The following GLDC variants were observed in gnomAD, a reference collection of about 807,000 sequenced individuals.
GLDC encodes the protein glycine dehydrogenase (decarboxylating), mitochondrial.
In GLDC, 104 loss-of-function variants were observed where a neutral mutation model predicts 121.3. The observed-to-expected ratio is 0.86, with a 90% CI of 0.73 to 1.01. The LOEUF (loss-of-function observed/expected upper bound fraction) is 1.01. Ranked by LOEUF, GLDC falls within the 50% of genes least tolerant of loss-of-function variation. The pLI, the probability that GLDC is intolerant of heterozygous loss-of-function variation, is 0.00. For synonymous variants in GLDC, 546 were observed against 480.6 expected (o/e 1.14, Z -1.78); for missense variants, 1,429 against 1,306.6 (o/e 1.09, Z -1.44).
intron 19 of GLDC, among the ~76,000 whole-genome samples, chr9:6,553,812 A>T (rs1563834607): frequency 6.6e-6 from 1 of 151,950 alleles, no homozygotes; most frequent in African/African-American, 2.4e-5. Flanking sequence ...TCCCAGCCCC[A>T]TTCCCTCACC....
At chr9:6,626,458 T>A (rs953017365) in intron 2 of GLDC, among the ~76,000 whole-genome samples, 1 of 152,252 alleles carries the variant, frequency 6.6e-6, no homozygotes, top group Non-Finnish European at 1.5e-5. Context: ...AGTTTATTTT[T>A]TCACTTGACA....
At chr9:6,585,095 G>C (rs1263232232) in intron 15 of GLDC, 2 of 152,134 alleles carry the variant, frequency 1.3e-5, no homozygotes, top group Non-Finnish European at 2.9e-5. Context: ...ATTCAATCTG[G>C]GATTGTGATG....
intron 5 of GLDC, among the ~76,000 whole-genome samples, chr9:6,606,309 CAAAAAAAAAAAA>C (rs56758871): frequency 1.1e-5 from 1 of 90,056 alleles, no homozygotes; most frequent in African/African-American, 3.9e-5. Context: ...GACTCCGTCT[CAAAAAAAAAAAA>C]AAAAAAAAGA....
At chr9:6,543,837 C>T (rs750073791) in intron 21 of GLDC, among the ~76,000 whole-genome samples, 4 of 151,760 alleles carry the variant, frequency 2.6e-5, no homozygotes, top group Non-Finnish European at 4.4e-5. Flanking sequence ...TTCTGCTGGA[C>T]CTAACAGTGA....
At chr9:6,638,505 G>T (rs1000202982) in intron 2 of GLDC, among the ~76,000 whole-genome samples, 2 of 152,132 alleles carry the variant, frequency 1.3e-5, no homozygotes, top group African/African-American at 4.8e-5. Flanking sequence ...GTGAGTCACT[G>T]CTCCCAGCTT....
rs138354637 is a variant in GLDC at position 6,610,138 on chromosome 9, G to C, written c.635+54C>G. ...ACAATATACTATAGAAAGAAAACAA[G>C]GCCAGGCGAGGTGGCCCACAACTGG... On this transcript the variant is annotated intron_variant, in intron 4 of 24. Transcript: ENST00000321612. 2.4e-5 allele frequency: 33 copies of C among 1,353,126 alleles called. 1 individual carries two copies. In the East Asian group the frequency reaches 4.4e-4, roughly 18 times the overall value. 83.8% of individuals were successfully genotyped at this position (1,353,126 alleles called of 1,614,324 possible). A position where few individuals can be genotyped will look rare whatever the true frequency, so the allele number is the denominator to read the frequency against.
chr9:6,546,093 C>A (rs576072833), intron 21 of GLDC, among the ~76,000 whole-genome samples: 5 of 152,142 alleles, frequency 3.3e-5, no homozygotes, highest in Admixed American at 6.5e-5. Context: ...TATTTAATTT[C>A]TTTTTACTTT....
At chr9:6,625,784 A>C (rs1276110481) in intron 2 of GLDC, among the ~76,000 whole-genome samples, 2 of 151,794 alleles carry the variant, frequency 1.3e-5, no homozygotes, top group African/African-American at 2.4e-5. Context: ...ACTGATAGGA[A>C]AGGTGGGGTT....
intron 3 of GLDC, among the ~76,000 whole-genome samples, chr9:6,615,686 C>G (rs1188422335): frequency 6.6e-6 from 1 of 150,688 alleles, no homozygotes; most frequent in Admixed American, 6.6e-5. Flanking sequence ...TCTCCACTCA[C>G]TGCAGTCTCC....
At position 6,552,402 on chromosome 9, in the gene GLDC, T is replaced by C. The variant is rs138794746; in HGVS notation, c.2457+966A>G. ...AGATCAAAAGGGAAGTGGAATTTGATTCTGCTTACAAAGAAGCAGACCTTT... is the reference window on the plus strand; with the variant it reads ...AGATCAAAAGGGAAGTGGAATTTGACTCTGCTTACAAAGAAGCAGACCTTT... On this transcript the variant is annotated intron_variant, in intron 20 of 24. Transcript: ENST00000321612. Among the ~76,000 whole-genome samples the C allele has an allele frequency of 3.6e-3, 549 of 152,356 alleles. 2 individuals carry two copies. Among genetic ancestry groups the C allele is most frequent in the African/African-American group, 0.013 (532 of 41,584 alleles).
intron 2 of GLDC, among the ~76,000 whole-genome samples, chr9:6,629,939 ATATATG>A (rs796773055): frequency 9.0e-5 from 7 of 78,150 alleles, no homozygotes; most frequent in Admixed American, 2.6e-4. Context: ...CTATATATAT[ATATATG>A]TATATATATA....
intron 20 of GLDC, among the ~76,000 whole-genome samples, chr9:6,552,139 A>G (rs1817528594): frequency 6.6e-6 from 1 of 152,164 alleles, no homozygotes; most frequent in Non-Finnish European, 1.5e-5. Flanking sequence ...CAGCAGGGAG[A>G]GAAGCAGCTA....
intron 4 of GLDC, among the ~76,000 whole-genome samples, chr9:6,607,528 G>A (rs1170666165): frequency 1.3e-5 from 2 of 152,098 alleles, no homozygotes; most frequent in Non-Finnish European, 2.9e-5. Context: ...GTTGCAGTGA[G>A]CCAAGATCGC....
chr9:6,608,402 A>T (rs947584353), intron 4 of GLDC, among the ~76,000 whole-genome samples: 1 of 149,464 alleles, frequency 6.7e-6, no homozygotes, highest in South Asian at 2.1e-4. Context: ...AGCCTGAGTG[A>T]CAGAGTGAGA....
chr9:6,582,959 A>G (rs1430511972), intron 15 of GLDC, among the ~76,000 whole-genome samples: 1 of 152,214 alleles, frequency 6.6e-6, no homozygotes, highest in Non-Finnish European at 1.5e-5. Flanking sequence ...GCATATGAAA[A>G]GATGCTCAAC....
chr9:6,602,786 T>C (rs1046646827), intron 7 of GLDC, among the ~76,000 whole-genome samples: 2 of 152,164 alleles, frequency 1.3e-5, no homozygotes, highest in African/African-American at 4.8e-5. Context: ...AGTTTCACTC[T>C]GAACTTCTTA....
chr9:6,645,719 C>A lies in GLDC; in HGVS notation c.-220G>T, dbSNP rs529041612. 1.0e-5 allele frequency: 3 copies of A among 296,964 alleles called. No individual in the cohort carries two copies. Among genetic ancestry groups the A allele is most frequent in the South Asian group, 1.5e-4 (1 of 6,546 alleles). 18.4% of individuals were successfully genotyped at this position (296,964 alleles called of 1,614,324 possible). A position where few individuals can be genotyped will look rare whatever the true frequency, so the allele number is the denominator to read the frequency against. On this transcript the variant is annotated 5_prime_UTR_variant, in exon 1 of 25. Coordinates refer to ENST00000321612, the MANE Select transcript of GLDC (RefSeq NM_000170.3). ...TGTGGCTCCACCCAAGGCACCTGCT[C>A]CGCACACTTTAAGCGGCGCCCTGGA...
chr9:6,596,357 C>G (rs144132408), intron 8 of GLDC, among the ~76,000 whole-genome samples: 110 of 152,176 alleles, frequency 7.2e-4, no homozygotes, highest in African/African-American at 2.6e-3. Context: ...TTAAAAACTT[C>G]AAAGGGCACT....
chr9:6,573,380 G>A (rs559153880), intron 15 of GLDC, among the ~76,000 whole-genome samples: 1 of 152,178 alleles, frequency 6.6e-6, no homozygotes, highest in Non-Finnish European at 1.5e-5. Context: ...AGAATCGCTT[G>A]AGCCCGGCAG....
Sources: allele counts gnomAD v4.1 joint callset (sites outside exome capture counted in the v4.1 genomes callset), GRCh38; gene constraint gnomAD v4.1.1; transcripts MANE v1.5; gene names NCBI Gene and HGNC (gene_info 2026-07-23, HGNC 2026-07-21).